HHLA1: variants seen among roughly 807,000 people sequenced by gnomAD.
HHLA1 encodes HERV-H LTR-associating protein 1.
Under a neutral mutation model 69.9 loss-of-function variants are expected in HHLA1, and 72 were observed. The observed-to-expected ratio is 1.03, with a 90% CI of 0.85 to 1.25. The LOEUF (loss-of-function observed/expected upper bound fraction) is 1.25, where lower values mean the gene tolerates loss of function less well. HHLA1 is among the 50% of genes most tolerant of loss of function. HHLA1 has a pLI of 0.00. For missense variants in HHLA1, 685 were observed against 642.2 expected (o/e 1.07, Z -0.72); for synonymous variants, 252 against 233.2 (o/e 1.08, Z -0.73).
chr8:132,101,453 T>C (rs941721140), intron 3 of HHLA1, among the ~76,000 whole-genome samples: 1 of 152,184 alleles, frequency 6.6e-6, no homozygotes, highest in Admixed American at 6.5e-5. Context: ...TAAGATAAAA[T>C]CAGAAAAGAG....
At chr8:132,085,669 G>C (rs982975813) in intron 10 of HHLA1, 1 of 155,366 alleles carries the variant, frequency 6.4e-6, no homozygotes, top group African/African-American at 2.4e-5. Flanking sequence ...AGGGAGATAA[G>C]GGTGGGGCCG....
intron 10 of HHLA1, chr8:132,080,758 G>A (rs906728454): frequency 2.6e-5 from 4 of 152,352 alleles, no homozygotes; most frequent in Non-Finnish European, 5.9e-5. Context: ...AAATTTTTGG[G>A]GGGTGGTATG....
Position 132,097,427 on chromosome 8 carries a change from A to G in HHLA1, c.280+1455T>C, listed in dbSNP as rs146129956. On this transcript the variant is annotated intron_variant, in intron 5 of 16. Coordinates refer to ENST00000414222, the MANE Select transcript of HHLA1 (RefSeq NM_001145095.3). Reference sequence around the variant, plus strand: ...TTCTGAATTCCAACTCTATGTGGCAATGGGCACGCCTCAACGTCTGCATCT... The same window carrying G: ...TTCTGAATTCCAACTCTATGTGGCAGTGGGCACGCCTCAACGTCTGCATCT... Among the ~76,000 whole-genome samples the G allele has an allele frequency of 6.6e-5, 10 of 152,334 alleles. No individual in the cohort carries two copies. In the East Asian group the frequency reaches 1.7e-3, roughly 26 times the overall value.
At chr8:132,089,351 G>C (rs1346910364) in intron 8 of HHLA1, among the ~76,000 whole-genome samples, 165 bp downstream of exon 8, 1 of 152,142 alleles carries the variant, frequency 6.6e-6, no homozygotes, top group Non-Finnish European at 1.5e-5. Context: ...GCATTTACTG[G>C]TGTGGAAACT....
chr8:132,100,194 A>T, intron 3 of HHLA1, 60 bp from the exon 4 acceptor site: 1 of 1,293,668 alleles, frequency 7.7e-7, no homozygotes, highest in Non-Finnish European at 1.1e-6. Context: ...ACCCCCAGGA[A>T]TGGAAGAAGC....
intron 8 of HHLA1, 95 bp downstream of exon 8, chr8:132,089,421 G>C (rs1263341904): frequency 4.1e-6 from 3 of 729,266 alleles, no homozygotes; most frequent in Non-Finnish European, 7.4e-6. Context: ...CTGGCCTATA[G>C]CAGGGGTTGG....
At position 132,102,791 on chromosome 8, in the gene HHLA1, C is replaced by A. The variant is rs1449968679; in HGVS notation, c.139+1317G>T. Reference sequence around the variant, plus strand: ...CTGTGTCATCTTCTTCACTGAGCACCATTTTTTTTTTTTTTTTTTTTTTTT... The same window carrying A: ...CTGTGTCATCTTCTTCACTGAGCACAATTTTTTTTTTTTTTTTTTTTTTTT... On this transcript the variant is annotated intron_variant, in intron 3 of 16. Coordinates refer to ENST00000414222, the MANE Select transcript of HHLA1 (RefSeq NM_001145095.3). Among the ~76,000 whole-genome samples the A allele has an allele frequency of 3.1e-5, 3 of 95,528 alleles. No homozygotes were observed. The East Asian group carries it at 7.9e-4, about 25-fold the overall frequency. The allele number at this position is 95,528 out of a possible 152,430, so 62.7% of individuals were successfully genotyped here. A position where few individuals can be genotyped will look rare whatever the true frequency, so the allele number is the denominator to read the frequency against.
intron 14 of HHLA1, among the ~76,000 whole-genome samples, chr8:132,075,440 C>T (rs554351828): frequency 7.2e-5 from 11 of 152,194 alleles, no homozygotes; most frequent in African/African-American, 2.7e-4. Flanking sequence ...GCAAAAACCA[C>T]AGCAACTCAA....
chr8:132,067,197 T>C (rs1823455856), intron 15 of HHLA1, among the ~76,000 whole-genome samples: 1 of 151,978 alleles, frequency 6.6e-6, no homozygotes, highest in South Asian at 2.1e-4. Context: ...ACAGAGGAAA[T>C]AGAGCCGCTC....
chr8:132,076,666 G>T, intron 12 of HHLA1, 123 bp from the exon 13 acceptor site: 1 of 531,356 alleles, frequency 1.9e-6, no homozygotes, highest in Non-Finnish European at 3.3e-6. Flanking sequence ...TACCAGGCAG[G>T]GCTTTAAGAA....
In HHLA1 at chr8:132,095,536, C is replaced by T. The variant is rs368730273; in HGVS notation, c.431G>A (p.Arg144Gln). ...GTACCCACCTGATAAGTCATTGGTC[C>T]GATTGTTTAAACAGTAGCAATACCT... ...PTRYCYCLNN[R>Q]TNDLSDFTAL... Residue 144 changes from arginine to glutamine, a missense_variant, in exon 7 of 17, where the codon CGG (arginine) becomes CAG (glutamine). Coordinates refer to ENST00000414222, the MANE Select transcript of HHLA1 (RefSeq NM_001145095.3). 2.8e-5 allele frequency: 43 copies of T among 1,549,326 alleles called. No homozygotes were observed. The highest frequency in any genetic ancestry group is 1.1e-4 in the African/African-American group (8 of 73,074).
In HHLA1 at chr8:132,065,953, G is replaced by A. The variant is rs983508839; in HGVS notation, c.1485C>T (p.Tyr495=). 1.5e-6 allele frequency: 2 copies of A among 1,296,206 alleles called. No homozygotes were observed. Among genetic ancestry groups the A allele is most frequent in the Non-Finnish European group, 2.0e-6 (2 of 980,510 alleles). 80.3% of individuals were successfully genotyped at this position (1,296,206 alleles called of 1,614,324 possible). The part of the protein sequence containing the change: ...RTEDMRYCLE[Y]YSWFLKNATY... The stretch of plus-strand genomic sequence containing the variant: ...TTGCATTCTTCAGAAACCAGGAATA[G>A]TATTCAAGACAGTATCTAAAGATTT... The change falls in exon 16 of 17, where the codon TAC becomes TAT. Residue 495 remains tyrosine, a synonymous_variant. Coordinates refer to ENST00000414222, the MANE Select transcript of HHLA1 (RefSeq NM_001145095.3).
chr8:132,100,774 C>T (rs1406018843), intron 3 of HHLA1, among the ~76,000 whole-genome samples: 1 of 152,132 alleles, frequency 6.6e-6, no homozygotes, highest in African/African-American at 2.4e-5. Flanking sequence ...AGAGGAGTGT[C>T]AACACGGTGT....
chr8:132,079,005 G>A (rs535723451), intron 11 of HHLA1, among the ~76,000 whole-genome samples: 1 of 152,148 alleles, frequency 6.6e-6, no homozygotes, highest in Non-Finnish European at 1.5e-5. Flanking sequence ...TGCCATGTTG[G>A]TGTGCTGCAC....
At chr8:132,107,835 T>TTTGGTGAG (rs1563751353) in intron 1 of HHLA1, among the ~76,000 whole-genome samples, 1 of 136,122 alleles carries the variant, frequency 7.3e-6, no homozygotes, top group African/African-American at 2.6e-5. Context: ...ACATCCATAG[T>TTTGGTGAG]TTGGAGAGAG....
In HHLA1 at chr8:132,063,087, T is replaced by C. The variant is rs1476402987; in HGVS notation, c.*908A>G. The C allele has an allele frequency of 6.6e-6, 1 of 152,294 alleles. No individual in the cohort carries two copies. Among genetic ancestry groups the C allele is most frequent in the Non-Finnish European group, 1.5e-5 (1 of 68,120 alleles). 9.4% of individuals were successfully genotyped at this position (152,294 alleles called of 1,614,324 possible). A position where few individuals can be genotyped will look rare whatever the true frequency, so the allele number is the denominator to read the frequency against. The stretch of plus-strand genomic sequence containing the variant: ...CCTGGACACCAAAACTTGGATGAGC[T>C]TTCCTGGCTGACAATACTCCACGTG... On this transcript the variant is annotated 3_prime_UTR_variant, in exon 17 of 17. Coordinates refer to ENST00000414222, the MANE Select transcript of HHLA1 (RefSeq NM_001145095.3).
rs73353142 is a variant in HHLA1 at position 132,063,848 on chromosome 8, A to G, written c.*147T>C. On this transcript the variant is annotated 3_prime_UTR_variant, in exon 17 of 17. Transcript: ENST00000414222. ...TCACAGGAGAGGGAAAAAAAATGCT[A>G]CTTCCAAGAATAACCACTTTAAATT... 24,039 of 279,896 alleles carry G rather than the reference A, an allele frequency of 0.086. 1,578 individuals carry two copies. Among genetic ancestry groups the G allele is most frequent in the African/African-American group, 0.22 (10,029 of 46,106 alleles). The allele number at this position is 279,896 out of a possible 1,614,324, so 17.3% of individuals were successfully genotyped here.
Position 132,089,601 on chromosome 8 carries a change from T to C in HHLA1, c.449-2A>G. The C allele has an allele frequency of 3.5e-6, 5 of 1,426,722 alleles. No individual in the cohort carries two copies. Among genetic ancestry groups the C allele is most frequent in the Non-Finnish European group, 4.8e-6 (5 of 1,032,660 alleles). The allele number at this position is 1,426,722 out of a possible 1,614,324, so 88.4% of individuals were successfully genotyped here. On this transcript the variant is annotated splice_acceptor_variant, in intron 7 of 16. Coordinates refer to ENST00000414222, the MANE Select transcript of HHLA1 (RefSeq NM_001145095.3). LOFTEE classifies it high-confidence loss of function. ...TATCTACCAGTAGAGCTGTAAAATC[T>C]GCAAGACAAATTTAGGAGGTTTAAA...
intron 15 of HHLA1, among the ~76,000 whole-genome samples, chr8:132,067,703 T>TATTTC (rs1225964733): frequency 6.6e-6 from 1 of 152,202 alleles, no homozygotes; most frequent in African/African-American, 2.4e-5. Flanking sequence ...TTAGATATAT[T>TATTTC]ATTTCATTTC....
Sources: gnomAD v4.1 joint callset for allele counts (sites outside exome capture counted in the v4.1 genomes callset) on GRCh38, gnomAD v4.1.1 for gene constraint, MANE v1.5 for transcripts, NCBI Gene and HGNC (gene_info 2026-07-23, HGNC 2026-07-21) for gene names.